CCDC88C: variants seen among roughly 807,000 people sequenced by gnomAD.
The protein encoded by CCDC88C is coiled-coil and HOOK domain protein 88C.
Under a neutral mutation model 198.8 loss-of-function variants are expected in CCDC88C, and 131 were observed. The ratio of observed to expected loss-of-function variants is 0.66; its 90% confidence interval spans 0.57 to 0.76. The LOEUF is 0.76. CCDC88C is among the 30% of genes least tolerant of loss of function. The pLI is 0.00. For missense variants in CCDC88C, 2,553 were observed against 2,631.6 expected (o/e 0.97, Z 0.65); for synonymous variants, 1,166 against 1,114.7 (o/e 1.05, Z -0.92).
chr14:91,388,894 G>C (rs944427147), intron 3 of CCDC88C, among the ~76,000 whole-genome samples: 1 of 152,164 alleles, frequency 6.6e-6, no homozygotes, highest in Non-Finnish European at 1.5e-5. Context: ...GGCTCCGCAG[G>C]GAACCCTGAA....
In CCDC88C at chr14:91,304,458, G is replaced by A. The variant is rs574849271; in HGVS notation, c.3358-480C>T. Among the ~76,000 whole-genome samples, 11 of 152,332 alleles carry A rather than the reference G, an allele frequency of 7.2e-5. No homozygotes were observed. In the East Asian group the frequency reaches 2.1e-3, roughly 29 times the overall value. On this transcript the variant is annotated intron_variant, in intron 19 of 29. Coordinates refer to ENST00000389857, the MANE Select transcript of CCDC88C (RefSeq NM_001080414.4). ...TTTTAACTTAGCTGGGCATGGTGTT[G>A]TATGCCTATAGTCCCAGCTACTTGG...
Position 91,338,083 on chromosome 14 carries a change from G to C in CCDC88C, c.972C>G (p.Arg324=), listed in dbSNP as rs756666611. ...TCAGCTCCAGCTCCAGCCTCTCCAC[G>C]CGGTTCGCCTTCTCCCGCAGGGAAT... ...ELDSLREKAN[R]VERLELELTR... The change falls in exon 10 of 30, where the codon CGC becomes CGG. Residue 324 remains arginine (R), a synonymous_variant. Transcript: ENST00000389857. This position sits in a 1 kb window ranked among gnomAD's most constrained non-coding sequence, Gnocchi z 4.8. 6.2e-7 allele frequency: 1 copy of C among 1,613,834 alleles called. No individual in the cohort carries two copies.
At position 91,308,363 on chromosome 14, in the gene CCDC88C, ACT is replaced by A; in HGVS notation, c.2992_2993del (p.Ser998Ter). 1 of 1,613,710 alleles carries A rather than the reference ACT, an allele frequency of 6.2e-7. No individual in the cohort carries two copies. The highest frequency in any genetic ancestry group is 8.5e-7 in the Non-Finnish European group (1 of 1,179,812). ...CCTCCACACTCACCATCTGCAGCTCACTCTCTAACTGGCGATTTAGGCTCGCT... is the reference window on the plus strand; with the variant it reads ...CCTCCACACTCACCATCTGCAGCTCACTCTAACTGGCGATTTAGGCTCGCT... ...EKASLNRQLE[S>X]ELQMLKKECE... On this transcript the variant is annotated frameshift_variant, in exon 17 of 30. Transcript: ENST00000389857. LOFTEE classifies it high-confidence loss of function.
In CCDC88C at chr14:91,291,198, T is replaced by C. The variant is rs3825658; in HGVS notation, c.4113-114A>G. 0.13 allele frequency: 87,932 copies of C among 661,496 alleles called. 7,097 individuals carry two copies. The highest frequency in any genetic ancestry group is 0.31 in the African/African-American group (17,374 of 55,550). The allele number at this position is 661,496 out of a possible 1,614,324, so 41.0% of individuals were successfully genotyped here. A position where few individuals can be genotyped will look rare whatever the true frequency, so the allele number is the denominator to read the frequency against. ...ACCCGGGGCTGGTATTTTTCCAGGA[T>C]TGAGATGAGGGTGCTCACCACCGTC... On this transcript the variant is annotated intron_variant, in intron 23 of 29. Coordinates refer to ENST00000389857, the MANE Select transcript of CCDC88C (RefSeq NM_001080414.4).
At chr14:91,320,518 A>G (rs905622543) in intron 13 of CCDC88C, among the ~76,000 whole-genome samples, 1 of 152,226 alleles carries the variant, frequency 6.6e-6, no homozygotes, top group Non-Finnish European at 1.5e-5. Flanking sequence ...CATCTAGGCA[A>G]TAGCGGAGCC....
chr14:91,417,153 G>A (rs765022522), intron 1 of CCDC88C: 16 of 703,018 alleles, frequency 2.3e-5, no homozygotes, highest in Non-Finnish European at 1.6e-5. Flanking sequence ...GTAAATCAGT[G>A]CGCCCACCCC....
chr14:91,356,973 T>G (rs940656665), intron 4 of CCDC88C, among the ~76,000 whole-genome samples: 3 of 152,244 alleles, frequency 2.0e-5, no homozygotes, highest in South Asian at 4.1e-4. Flanking sequence ...GAAGGATGCG[T>G]TTAATATTAG....
rs537168274 is a variant in CCDC88C, at chr14:91,276,063, G to A, written c.5058+1859C>T. ...TCTCGATCTCCTGACCTCGTGATCC[G>A]CCCGTCTCGGCCTCCCGAAGTGCTG... On this transcript the variant is annotated intron_variant, in intron 29 of 29. Coordinates refer to ENST00000389857, the MANE Select transcript of CCDC88C (RefSeq NM_001080414.4). 1.1e-3 allele frequency among the ~76,000 whole-genome samples: 164 copies of A among 151,512 alleles called. 1 individual carries two copies. The highest frequency in any genetic ancestry group is 3.8e-3 in the African/African-American group (155 of 41,288).
At chr14:91,376,517 G>A (rs770571278) in intron 3 of CCDC88C, among the ~76,000 whole-genome samples, 30 of 152,326 alleles carry the variant, frequency 2.0e-4, no homozygotes, top group Admixed American at 4.6e-4. Flanking sequence ...TCTCTGGAGA[G>A]CCCACAGGTG....
At chr14:91,367,892 C>T (rs1289182734) in intron 3 of CCDC88C, among the ~76,000 whole-genome samples, 2 of 152,138 alleles carry the variant, frequency 1.3e-5, no homozygotes, top group Non-Finnish European at 2.9e-5. Context: ...AGACCCTACT[C>T]GCCCTCCAAA....
At chr14:91,327,295 G>A (rs1439085801) in intron 10 of CCDC88C, among the ~76,000 whole-genome samples, 1 of 152,236 alleles carries the variant, frequency 6.6e-6, no homozygotes, top group East Asian at 1.9e-4. Flanking sequence ...TGGAGGGGAA[G>A]CCACACACTT....
intron 4 of CCDC88C, among the ~76,000 whole-genome samples, chr14:91,355,262 G>A (rs955470943): frequency 2.6e-5 from 4 of 152,146 alleles, no homozygotes; most frequent in Admixed American, 6.5e-5. Context: ...AGGCGACAGC[G>A]CAGACACGGG....
At chr14:91,368,774 T>C (rs565600582) in intron 3 of CCDC88C, among the ~76,000 whole-genome samples, 1 of 152,196 alleles carries the variant, frequency 6.6e-6, no homozygotes, top group East Asian at 1.9e-4. Flanking sequence ...TCTACGCTCA[T>C]GCCACTGATT....
In CCDC88C at chr14:91,307,033, C is replaced by T. The variant is rs1891585469; in HGVS notation, c.3195+5G>A. On this transcript the variant is annotated splice_donor_5th_base_variant and intron_variant, in intron 18 of 29. Coordinates refer to ENST00000389857, the MANE Select transcript of CCDC88C (RefSeq NM_001080414.4). ...GATGGACCATGCCCAGGCCAGCCCACTCACATTCCGCTCCAGCTCGATGGC... is the reference window on the plus strand; with the variant it reads ...GATGGACCATGCCCAGGCCAGCCCATTCACATTCCGCTCCAGCTCGATGGC... The T allele has an allele frequency of 6.2e-7, 1 of 1,607,190 alleles. No homozygotes were observed. Among genetic ancestry groups the T allele is most frequent in the East Asian group, 2.2e-5 (1 of 44,770 alleles).
intron 3 of CCDC88C, chr14:91,408,387 G>T (rs1413752517): frequency 5.6e-6 from 2 of 358,832 alleles, no homozygotes; most frequent in Non-Finnish European, 1.1e-5. Flanking sequence ...CGGGGCAGAG[G>T]CTGCAAACTG....
intron 3 of CCDC88C, among the ~76,000 whole-genome samples, chr14:91,405,777 A>AT (rs1167751071): frequency 6.6e-6 from 1 of 152,196 alleles, no homozygotes; most frequent in Non-Finnish European, 1.5e-5. Context: ...TTTTGTTATA[A>AT]ATTGGAAGGA....
chr14:91,327,119 C>T (rs1007629985), intron 10 of CCDC88C, among the ~76,000 whole-genome samples: 4 of 152,308 alleles, frequency 2.6e-5, no homozygotes, highest in Non-Finnish European at 4.4e-5. Context: ...CAAATGCCTT[C>T]GCAGGTTACA....
chr14:91,308,631 C>T (rs1313798386), intron 16 of CCDC88C, 139 bp from the exon 17 acceptor site: 27 of 869,716 alleles, frequency 3.1e-5, no homozygotes, highest in South Asian at 9.7e-5. Flanking sequence ...GAAGAACTCA[C>T]GAGCCAAAAC....
chr14:91,314,252 G>A (rs545532371), intron 14 of CCDC88C, 102 bp from the exon 15 acceptor site: 35 of 930,272 alleles, frequency 3.8e-5, no homozygotes, highest in African/African-American at 1.2e-4. Context: ...TTGAACGGCT[G>A]TCCTACCTGT....
Sources: allele counts gnomAD v4.1 joint callset (sites outside exome capture counted in the v4.1 genomes callset), GRCh38; gene constraint gnomAD v4.1.1; non-coding constraint Gnocchi (gnomAD v3.1); transcripts MANE v1.5; gene names NCBI Gene and HGNC (gene_info 2026-07-23, HGNC 2026-07-21).